Variants in SPATA17 observed in about 807,000 individuals in gnomAD.
SPATA17 encodes the protein spermatogenesis-associated protein 17.
In SPATA17, 53 loss-of-function variants were observed where a neutral mutation model predicts 62.2. The observed-to-expected ratio is 0.85, with a 90% CI of 0.68 to 1.07. The LOEUF is 1.07. Ranked by LOEUF, SPATA17 falls within the 50% of genes least tolerant of loss-of-function variation. SPATA17 has a pLI of 0.00. For synonymous variants in SPATA17, 146 were observed against 146.8 expected, an observed-to-expected ratio of 0.99 and a Z score of 0.04; for missense variants, 466 against 425.5, an observed-to-expected ratio of 1.10 and a Z score of -0.84.
chr1:217,765,111 T>C (rs1039791085), intron 6 of SPATA17, among the ~76,000 whole-genome samples: 1 of 152,068 alleles, frequency 6.6e-6, no homozygotes, highest in Middle Eastern at 3.2e-3. Flanking sequence ...AGATCTGTAG[T>C]AATGTCTTCC....
rs1162642721 is a variant in SPATA17 at position 217,631,396 on chromosome 1, G to A, written c.18G>A (p.Arg6=). The A allele has an allele frequency of 6.2e-7, 1 of 1,614,170 alleles. No homozygotes were observed. The highest frequency in any genetic ancestry group is 1.7e-5 in the Admixed American group (1 of 60,028). MATLA[R]LQARSSTVGN... ...AAGAGACCATGGCCACGTTAGCCCG[G>A]CTGCAAGCTAGGTCGTCGACTGTAG... is the stretch of plus-strand genomic sequence containing the variant. The change falls in exon 1 of 11, where the codon CGG becomes CGA. Residue 6 remains arginine (R), a synonymous_variant. Transcript: ENST00000366933.
intron 3 of SPATA17, among the ~76,000 whole-genome samples, chr1:217,653,197 C>T (rs1027584890): frequency 6.6e-6 from 1 of 152,072 alleles, no homozygotes; most frequent in African/African-American, 2.4e-5. Flanking sequence ...TATACAGTGA[C>T]TCAGGAAACC....
At chr1:217,748,692 C>T (rs1672825423) in intron 6 of SPATA17, among the ~76,000 whole-genome samples, 1 of 147,786 alleles carries the variant, frequency 6.8e-6, no homozygotes, top group African/African-American at 2.5e-5. Flanking sequence ...TGCAGTGAGC[C>T]GAGATCACGC....
At chr1:217,766,378 T>C (rs992868830) in intron 6 of SPATA17, among the ~76,000 whole-genome samples, 3 of 152,128 alleles carry the variant, frequency 2.0e-5, no homozygotes, top group Admixed American at 1.3e-4. Context: ...GTAGTTGCCC[T>C]AAAGTTTGCA....
At chr1:217,706,832 T>C (rs1671747445) in intron 5 of SPATA17, among the ~76,000 whole-genome samples, 1 of 152,052 alleles carries the variant, frequency 6.6e-6, no homozygotes, top group Non-Finnish European at 1.5e-5. Context: ...GCTATATTTC[T>C]ATTTATTATG....
intron 9 of SPATA17, among the ~76,000 whole-genome samples, chr1:217,823,745 C>G (rs1340801491): frequency 1.3e-5 from 2 of 151,900 alleles, no homozygotes; most frequent in African/African-American, 4.8e-5. Context: ...TGCAGTGTAT[C>G]TCTCTCTTTA....
rs755661846 is a variant in SPATA17 at position 217,808,094 on chromosome 1, G to A, written c.1005+6244G>A. ...ACGTTCTATATAGTGACAAAACAAA[G>A]AATAGAGTATCTCCAGCCTTCCAAA... is the stretch of plus-strand genomic sequence containing the variant. On this transcript the variant is annotated intron_variant, in intron 9 of 10. Coordinates refer to ENST00000366933, the MANE Select transcript of SPATA17 (RefSeq NM_138796.4). Among the ~76,000 whole-genome samples, 7 of 152,216 alleles carry A rather than the reference G, an allele frequency of 4.6e-5. No homozygotes were observed. The East Asian group carries it at 1.4e-3, about 29-fold the overall frequency.
At chr1:217,770,233 G>A (rs1038406308) in intron 6 of SPATA17, among the ~76,000 whole-genome samples, 2 of 152,126 alleles carry the variant, frequency 1.3e-5, no homozygotes, top group East Asian at 1.9e-4. Context: ...TTTCTCTCTC[G>A]TGGTATTCAG....
chr1:217,783,363 A>T (rs1673777490), intron 8 of SPATA17, among the ~76,000 whole-genome samples: 1 of 151,988 alleles, frequency 6.6e-6, no homozygotes, highest in Admixed American at 6.6e-5. Flanking sequence ...ATTGGCAGGC[A>T]TCTCAAGTAA....
intron 5 of SPATA17, among the ~76,000 whole-genome samples, chr1:217,698,783 C>T (rs1671524081): frequency 1.3e-5 from 2 of 152,046 alleles, no homozygotes; most frequent in Admixed American, 1.3e-4. Flanking sequence ...ATGTATCTCC[C>T]ACCACAGCCA....
chr1:217,818,688 G>T (rs1463818214), intron 9 of SPATA17, among the ~76,000 whole-genome samples: 3 of 151,748 alleles, frequency 2.0e-5, no homozygotes, highest in African/African-American at 7.3e-5. Context: ...GTACATAGTG[G>T]TTCCTTTCAA....
chr1:217,690,577 G>A (rs61827786), intron 5 of SPATA17, among the ~76,000 whole-genome samples: 17,955 of 134,790 alleles, frequency 0.13, 1,273 homozygotes, highest in Non-Finnish European at 0.16. Flanking sequence ...CCATGCTGGT[G>A]CGCTGCACCC....
intron 6 of SPATA17, among the ~76,000 whole-genome samples, chr1:217,760,714 A>C (rs1444622109): frequency 6.6e-6 from 1 of 152,214 alleles, no homozygotes; most frequent in Non-Finnish European, 1.5e-5. Context: ...TTCTTTAACA[A>C]AAGAAAATTT....
intron 9 of SPATA17, among the ~76,000 whole-genome samples, chr1:217,832,189 A>G (rs1675158812): frequency 6.6e-6 from 1 of 152,156 alleles, no homozygotes; most frequent in Non-Finnish European, 1.5e-5. Flanking sequence ...CTAATAACAT[A>G]ATTAAAGAAG....
intron 5 of SPATA17, among the ~76,000 whole-genome samples, chr1:217,716,342 TC>T (rs1337894817): frequency 6.6e-6 from 1 of 152,152 alleles, no homozygotes; most frequent in Admixed American, 6.5e-5. Flanking sequence ...CACCTAAAAA[TC>T]AAAGCAGCAA....
At chr1:217,652,621 A>G (rs879646932) in intron 3 of SPATA17, among the ~76,000 whole-genome samples, 1 of 152,184 alleles carries the variant, frequency 6.6e-6, no homozygotes, top group Non-Finnish European at 1.5e-5. Context: ...CTGAAATCAA[A>G]TGCCTCTATT....
chr1:217,662,453 T>G (rs1670591744), intron 3 of SPATA17, among the ~76,000 whole-genome samples: 1 of 152,160 alleles, frequency 6.6e-6, no homozygotes, highest in Non-Finnish European at 1.5e-5. Flanking sequence ...TTACAAAGAT[T>G]GATTATGATT....
intron 2 of SPATA17, 22 bp downstream of exon 2, chr1:217,648,993 A>C: frequency 6.8e-7 from 1 of 1,471,554 alleles, no homozygotes; most frequent in Non-Finnish European, 9.3e-7. Context: ...TTGTCATGGA[A>C]ACCTCAGATA....
chr1:217,645,894 C>T (rs1379881275), intron 1 of SPATA17, among the ~76,000 whole-genome samples: 1 of 152,160 alleles, frequency 6.6e-6, no homozygotes, highest in Non-Finnish European at 1.5e-5. Flanking sequence ...ATTGCTTAAT[C>T]ATGATCTCCC....
Sources: gnomAD v4.1 joint callset for allele counts (sites outside exome capture counted in the v4.1 genomes callset) on GRCh38, gnomAD v4.1.1 for gene constraint, MANE v1.5 for transcripts, NCBI Gene and HGNC (gene_info 2026-07-23, HGNC 2026-07-21) for gene names.